Variants in HERC1 observed in about 807,000 individuals in gnomAD.
HERC1 encodes the protein HECT and RLD domain containing E3 ubiquitin protein ligase family member 1.
A neutral mutation model predicts 554.3 loss-of-function variants in HERC1; 160 were observed. The ratio of observed to expected loss-of-function variants is 0.29; its 90% CI spans 0.25 to 0.33. The LOEUF is 0.33. Ranked by LOEUF, HERC1 falls within the 10% of genes least tolerant of loss-of-function variation. The pLI, the probability that HERC1 is intolerant of heterozygous loss-of-function variation, is 1.00. For synonymous variants in HERC1, 2,175 were observed against 2,131.7 expected, an observed-to-expected ratio of 1.02 and a Z score of -0.56; for missense variants, 4,919 against 5,918.5, an observed-to-expected ratio of 0.83 and a Z score of 5.54.
Position 63,774,908 on chromosome 15 carries a change from G to A in HERC1, c.716C>T (p.Ala239Val). 1.2e-6 allele frequency: 2 copies of A among 1,614,002 alleles called. No homozygotes were observed. The highest frequency in any genetic ancestry group is 4.5e-5 in the East Asian group (2 of 44,882). ...AGCTAATCTACGACCTAAAGTGTCT[G>A]CCCCAGAATTAGGAATAGTGACTCC... is the stretch of plus-strand genomic sequence containing the variant. ...LKGVTIPNSG[A>V]DTLGRRLASE... Residue 239 changes from alanine to valine, a missense_variant, in exon 2 of 78, where the codon GCA (alanine) becomes GTA (valine). Transcript: ENST00000443617.
intron 3 of HERC1, among the ~76,000 whole-genome samples, chr15:63,759,099 T>A (rs2075525457): frequency 6.6e-6 from 1 of 152,182 alleles, no homozygotes; most frequent in South Asian, 2.1e-4. Context: ...AGGATATAGT[T>A]GTTACTATAC....
intron 25 of HERC1, among the ~76,000 whole-genome samples, chr15:63,704,808 G>A (rs1289520139): frequency 2.1e-5 from 3 of 145,704 alleles, no homozygotes; most frequent in African/African-American, 7.7e-5. Flanking sequence ...GTGCGATCTC[G>A]GCTCACTGCA....
intron 1 of HERC1, among the ~76,000 whole-genome samples, chr15:63,787,282 G>A (rs1251567360): frequency 6.6e-6 from 1 of 151,334 alleles, no homozygotes; most frequent in South Asian, 2.1e-4. Flanking sequence ...TCAGCCTCCC[G>A]AGTAGGTGGG....
chr15:63,691,325 G>C lies in HERC1; in HGVS notation c.5831-678C>G, dbSNP rs182938556. ...TACTAAAAATACAAAAATTAGCTGG[G>C]AGTGGTGGTGCACGCCTGTGATCCC... is the stretch of plus-strand genomic sequence containing the variant. On this transcript the variant is annotated intron_variant, in intron 31 of 77. Transcript: ENST00000443617. Among the ~76,000 whole-genome samples, 11 of 152,108 alleles carry C rather than the reference G, an allele frequency of 7.2e-5. No individual in the cohort carries two copies. In the East Asian group the frequency reaches 1.5e-3, roughly 21 times the overall value.
At chr15:63,790,973 C>T (rs369934238) in intron 1 of HERC1, among the ~76,000 whole-genome samples, 1 of 151,936 alleles carries the variant, frequency 6.6e-6, no homozygotes, top group Non-Finnish European at 1.5e-5. Context: ...CTTGTTTTTA[C>T]GAACATCATT....
In HERC1 at chr15:63,608,974, G is replaced by T; in HGVS notation, c.*107C>A. On this transcript the variant is annotated 3_prime_UTR_variant, in exon 78 of 78. Coordinates refer to ENST00000443617, the MANE Select transcript of HERC1 (RefSeq NM_003922.4). ...AATGTGGCCATTGTTTATAATGTTGGTTTATGTTCTTATAACATCTATGTA... is the reference window on the plus strand; with the variant it reads ...AATGTGGCCATTGTTTATAATGTTGTTTTATGTTCTTATAACATCTATGTA... The T allele has an allele frequency of 1.1e-6, 1 of 950,852 alleles. No homozygotes were observed. Among genetic ancestry groups the T allele is most frequent in the Non-Finnish European group, 1.5e-6 (1 of 663,464 alleles). The allele number at this position is 950,852 out of a possible 1,614,324, so 58.9% of individuals were successfully genotyped here. A position where few individuals can be genotyped will look rare whatever the true frequency, so the allele number is the denominator to read the frequency against.
chr15:63,729,555 A>C lies in HERC1; in HGVS notation c.2963T>G (p.Leu988Arg). ...ENSQPAHLHE[L>R]LCSLQKQLLA... ...CAGCTGTTTCTGTAGTGAACATAGC[A>C]GTTCATGAAGATGAGCAGGCTGACT... The change falls in exon 15 of 78, where the codon CTG (leucine) becomes CGG (arginine). Residue 988 changes from leucine to arginine, a missense_variant. Around this residue, in one of 11 missense-constraint regions of HERC1, gnomAD observed 744 missense variants for 1,090.0 expected, o/e 0.68. Transcript: ENST00000443617. The C allele has an allele frequency of 6.2e-7, 1 of 1,613,600 alleles. No individual in the cohort carries two copies. Among genetic ancestry groups the C allele is most frequent in the Non-Finnish European group, 8.5e-7 (1 of 1,179,516 alleles).
chr15:63,790,038 T>C (rs989863211), intron 1 of HERC1, among the ~76,000 whole-genome samples: 5 of 152,152 alleles, frequency 3.3e-5, no homozygotes, highest in Admixed American at 2.6e-4. Flanking sequence ...TACCATTTAC[T>C]AGCTGACTGG....
At chr15:63,803,057 T>G (rs1229063268) in intron 1 of HERC1, among the ~76,000 whole-genome samples, 3 of 151,840 alleles carry the variant, frequency 2.0e-5, no homozygotes, top group African/African-American at 7.3e-5. Flanking sequence ...AAAAAATAAT[T>G]TGGCAGGCAT....
chr15:63,767,063 G>A (rs565221542), intron 2 of HERC1, among the ~76,000 whole-genome samples: 12 of 150,892 alleles, frequency 8.0e-5, no homozygotes, highest in East Asian at 5.9e-4. Context: ...GTGCAGTAGC[G>A]CAGTCTCGGC....
chr15:63,653,990 A>G (rs576066148), intron 51 of HERC1, 129 bp downstream of exon 51: 33 of 678,208 alleles, frequency 4.9e-5, no homozygotes, highest in Non-Finnish European at 8.0e-5. Flanking sequence ...AATTGTGTGC[A>G]TGTGTATGTG....
At chr15:63,746,638 T>C (rs1335283123) in intron 12 of HERC1, among the ~76,000 whole-genome samples, 7 of 152,118 alleles carry the variant, frequency 4.6e-5, no homozygotes, top group Non-Finnish European at 1.0e-4. Flanking sequence ...AAGAGTGACA[T>C]GTTTGTAAAT....
chr15:63,675,095 T>A lies in HERC1; in HGVS notation c.7093A>T (p.Ser2365Cys). Reference sequence around the variant, plus strand: ...TCCAGATTATACAATGGAGTATCACTAGGCGACCAAAAAGTTGGGAAGCTT... The same window carrying A: ...TCCAGATTATACAATGGAGTATCACAAGGCGACCAAAAAGTTGGGAAGCTT... ...TISFPTFWSP[S>C]DTPLYNLEPC... is the part of the protein sequence containing the mutation. The change falls in exon 38 of 78, where the codon AGT becomes TGT. Residue 2365 changes from serine to cysteine, a missense_variant. This residue lies in a region of HERC1 where 1,963 missense variants were observed against 2,228.6 expected (regional missense o/e 0.88). Transcript: ENST00000443617. The A allele has an allele frequency of 6.3e-7, 1 of 1,588,414 alleles. No homozygotes were observed.
At position 63,784,859 on chromosome 15, in the gene HERC1, C is replaced by T. The variant is rs144520314; in HGVS notation, c.-26-9210G>A. On this transcript the variant is annotated intron_variant, in intron 1 of 77. Transcript: ENST00000443617. The stretch of plus-strand genomic sequence containing the variant: ...TTCCTGACCTCAGGTGATCAGCCCA[C>T]CTCGGCCTCCCAAAGTGCTGGGATT... 3.2e-4 allele frequency among the ~76,000 whole-genome samples: 49 copies of T among 152,302 alleles called. No homozygotes were observed. In the Middle Eastern group the frequency reaches 0.01, roughly 32 times the overall value.
intron 45 of HERC1, 103 bp downstream of exon 45, chr15:63,661,650 G>C (rs1296430315): frequency 1.7e-6 from 2 of 1,192,468 alleles, no homozygotes; most frequent in African/African-American, 3.0e-5. Context: ...GGGATTTCAG[G>C]GAAGGTTAAA....
chr15:63,787,821 C>T (rs970059340), intron 1 of HERC1, among the ~76,000 whole-genome samples: 3 of 151,508 alleles, frequency 2.0e-5, no homozygotes, highest in African/African-American at 4.8e-5. Flanking sequence ...AAAAATTAAC[C>T]GGGCGTGGTG....
intron 27 of HERC1, among the ~76,000 whole-genome samples, chr15:63,695,474 C>T (rs2072355342): frequency 6.7e-6 from 1 of 150,282 alleles, no homozygotes; most frequent in Non-Finnish European, 1.5e-5. Context: ...CAACCTCCAC[C>T]TCCCGGGTTC....
chr15:63,655,909 T>C lies in HERC1; in HGVS notation c.9917A>G (p.Asp3306Gly), dbSNP rs1365553731. ...ATGVNLTTVD[D>G]SIQRKFLPSF... ...GGGTAGAAACTTTCGCTGAATTGAG[T>C]CATCAACTGTGGTTAGATTTACACC... The change falls in exon 50 of 78, where the codon GAC becomes GGC. Residue 3306 changes from aspartate to glycine, a missense_variant. Asp to Gly is a moderately conservative substitution (Grantham distance 94). Around this residue, in one of 11 missense-constraint regions of HERC1, gnomAD observed 1,963 missense variants for 2,228.6 expected, o/e 0.88. Coordinates refer to ENST00000443617, the MANE Select transcript of HERC1 (RefSeq NM_003922.4). The C allele has an allele frequency of 6.2e-7, 1 of 1,613,076 alleles. No homozygotes were observed. The highest frequency in any genetic ancestry group is 1.3e-5 in the African/African-American group (1 of 75,032).
intron 1 of HERC1, among the ~76,000 whole-genome samples, chr15:63,789,645 A>G (rs1174866393): frequency 6.6e-6 from 1 of 151,394 alleles, no homozygotes; most frequent in African/African-American, 2.4e-5. Flanking sequence ...TAAAAATACA[A>G]AAATTAGCTA....
Sources: allele counts gnomAD v4.1 joint callset (sites outside exome capture counted in the v4.1 genomes callset), GRCh38; gene constraint gnomAD v4.1.1; regional missense constraint gnomAD v4.1.1; transcripts MANE v1.5; gene names NCBI Gene and HGNC (gene_info 2026-07-23, HGNC 2026-07-21).